Variants in LRP1B observed in about 807,000 individuals in gnomAD.
LRP1B encodes low-density lipoprotein receptor-related protein 1B.
In LRP1B, 217 loss-of-function variants were observed where a neutral mutation model predicts 556.6. The observed-to-expected ratio is 0.39, with a 90% CI of 0.35 to 0.44. LRP1B has a LOEUF of 0.44. Among genes scored for constraint, LRP1B ranks in the 20% least tolerant of loss-of-function variants. The pLI is 1.00. For synonymous variants in LRP1B, 2,047 were observed against 1,865.8 expected (o/e 1.10, Z -2.50); for missense variants, 5,053 against 5,620.8 (o/e 0.90, Z 3.23).
intron 1 of LRP1B, among the ~76,000 whole-genome samples, chr2:142,001,044 A>G (rs533036974): frequency 2.6e-5 from 4 of 152,122 alleles, no homozygotes; most frequent in Non-Finnish European, 4.4e-5. Context: ...GGTTTTATAA[A>G]GGGTTTCCCC....
At chr2:142,087,400 T>C (rs945923369) in intron 1 of LRP1B, among the ~76,000 whole-genome samples, 4 of 151,898 alleles carry the variant, frequency 2.6e-5, no homozygotes, top group Non-Finnish European at 4.4e-5. Flanking sequence ...GGGATGTAAA[T>C]AGAATATTCA....
At chr2:142,019,819 C>T (rs970792096) in intron 1 of LRP1B, among the ~76,000 whole-genome samples, 6 of 152,218 alleles carry the variant, frequency 3.9e-5, no homozygotes, top group Non-Finnish European at 8.8e-5. Context: ...TCCCAAGTCA[C>T]TCCCTCTCCC....
At chr2:140,325,399 C>A (rs1267241972) in intron 80 of LRP1B, among the ~76,000 whole-genome samples, 1 of 152,078 alleles carries the variant, frequency 6.6e-6, no homozygotes, top group Non-Finnish European at 1.5e-5. Flanking sequence ...CATACAGTAA[C>A]TCATTGTTTG....
At chr2:141,091,168 AAGAG>A (rs553998093) in intron 7 of LRP1B, among the ~76,000 whole-genome samples, 7 of 150,610 alleles carry the variant, frequency 4.6e-5, no homozygotes, top group South Asian at 2.1e-4. Context: ...AGATCAGATA[AAGAG>A]AGAGAGAGAG....
chr2:141,108,268 C>T (rs533348108), intron 7 of LRP1B, among the ~76,000 whole-genome samples: 1 of 141,328 alleles, frequency 7.1e-6, no homozygotes, highest in East Asian at 2.1e-4. Flanking sequence ...AGTAATGGTA[C>T]AAGGTACAAG....
At chr2:140,563,897 G>A (rs1681029578) in intron 43 of LRP1B, among the ~76,000 whole-genome samples, 1 of 152,136 alleles carries the variant, frequency 6.6e-6, no homozygotes, top group South Asian at 2.1e-4. Flanking sequence ...ATGGACAGAA[G>A]CCTAAGGTCT....
intron 3 of LRP1B, among the ~76,000 whole-genome samples, chr2:141,330,280 T>C (rs1207260627): frequency 1.3e-5 from 2 of 152,158 alleles, no homozygotes; most frequent in South Asian, 2.1e-4. Flanking sequence ...ACTGGACTAA[T>C]GGGGTTTATA....
intron 3 of LRP1B, among the ~76,000 whole-genome samples, chr2:141,454,255 G>A (rs1351040698): frequency 6.6e-6 from 1 of 152,160 alleles, no homozygotes; most frequent in African/African-American, 2.4e-5. Context: ...TAATGAGTTA[G>A]ACATCCCAAT....
chr2:142,072,162 A>G (rs1705340899), intron 1 of LRP1B, among the ~76,000 whole-genome samples: 1 of 151,906 alleles, frequency 6.6e-6, no homozygotes, highest in Non-Finnish European at 1.5e-5. Context: ...GCGGTTGCCT[A>G]ATGAAGCTTC....
intron 3 of LRP1B, among the ~76,000 whole-genome samples, chr2:141,273,680 G>A (rs562675144): frequency 1.3e-5 from 2 of 152,258 alleles, no homozygotes; most frequent in South Asian, 4.1e-4. Context: ...AAAAAGGCTT[G>A]TTTGGTATGA....
At chr2:141,017,933 C>T (rs983542416) in intron 12 of LRP1B, among the ~76,000 whole-genome samples, 15 of 150,434 alleles carry the variant, frequency 1.0e-4, no homozygotes, top group Admixed American at 8.0e-4. Flanking sequence ...TCCAGGCTAT[C>T]GAGGCTGTCG....
intron 43 of LRP1B, among the ~76,000 whole-genome samples, chr2:140,575,332 G>A (rs1266472074): frequency 1.3e-5 from 2 of 152,040 alleles, no homozygotes; most frequent in East Asian, 3.9e-4. Flanking sequence ...CTCCCTATTG[G>A]CAGAAATAAG....
At chr2:140,345,488 G>A (rs1410907739) in intron 77 of LRP1B, among the ~76,000 whole-genome samples, 2 of 151,010 alleles carry the variant, frequency 1.3e-5, no homozygotes, top group African/African-American at 2.4e-5. Flanking sequence ...CTCCTTGTCA[G>A]CATTTTAATT....
intron 7 of LRP1B, among the ~76,000 whole-genome samples, chr2:141,112,216 C>T (rs1700774327): frequency 6.6e-6 from 1 of 152,106 alleles, no homozygotes; most frequent in South Asian, 2.1e-4. Flanking sequence ...ATAGCAGTGT[C>T]TTTTGTGGTC....
intron 32 of LRP1B, among the ~76,000 whole-genome samples, chr2:140,800,011 A>G (rs1038833616): frequency 2.0e-5 from 3 of 152,176 alleles, no homozygotes; most frequent in African/African-American, 4.8e-5. Flanking sequence ...ATGTCCATCA[A>G]TGATAGACTA....
chr2:140,447,974 T>C (rs1462908524), intron 63 of LRP1B, among the ~76,000 whole-genome samples: 3 of 152,110 alleles, frequency 2.0e-5, no homozygotes. Flanking sequence ...TGTTGTCTTT[T>C]ATGGATATGC....
rs1411881655 is a variant in LRP1B, at chr2:140,370,692, C to T, written c.11008+18G>A. ...TCATTCTCTCATTTACAGGCACACA[C>T]ACACAAAAATACCTTACCTCTTTCA... On this transcript the variant is annotated intron_variant, in intron 71 of 90. Transcript: ENST00000389484. The T allele has an allele frequency of 1.2e-6, 2 of 1,611,308 alleles. No homozygotes were observed. The highest frequency in any genetic ancestry group is 1.7e-5 in the Admixed American group (1 of 59,894).
intron 3 of LRP1B, among the ~76,000 whole-genome samples, chr2:141,295,746 AACAC>A (rs376812743): frequency 0.029 from 3,846 of 130,542 alleles, 140 homozygotes; most frequent in African/African-American, 0.083. Flanking sequence ...TGAGGAGAGA[AACAC>A]ACACACACAC....
intron 1 of LRP1B, among the ~76,000 whole-genome samples, chr2:142,104,560 TAA>T (rs998637262): frequency 7.9e-5 from 12 of 152,134 alleles, no homozygotes; most frequent in Non-Finnish European, 1.8e-4. Flanking sequence ...AAGATGGAGA[TAA>T]GTTTGATACA....
Sources: gnomAD v4.1 joint callset for allele counts (sites outside exome capture counted in the v4.1 genomes callset) on GRCh38, gnomAD v4.1.1 for gene constraint, MANE v1.5 for transcripts, NCBI Gene and HGNC (gene_info 2026-07-23, HGNC 2026-07-21) for gene names.